The following CNTNAP5 variants were observed in gnomAD, a reference collection of about 807,000 sequenced individuals.
CNTNAP5 encodes the protein contactin associated protein family member 5, also known as contactin-associated protein-like 5.
In CNTNAP5, 72 loss-of-function variants were observed where a neutral mutation model predicts 150.2. The observed-to-expected ratio is 0.48, with a 90% confidence interval of 0.40 to 0.58. The LOEUF (loss-of-function observed/expected upper bound fraction) is 0.58. Ranked by LOEUF, CNTNAP5 falls within the 20% of genes least tolerant of loss-of-function variation. CNTNAP5 has a pLI of 0.00. For synonymous variants in CNTNAP5, 672 were observed against 619.8 expected (o/e 1.08, Z -1.25); for missense variants, 1,636 against 1,626.2 (o/e 1.01, Z -0.10).
chr2:124,742,121 C>T (rs1356345380), intron 13 of CNTNAP5, among the ~76,000 whole-genome samples: 1 of 152,136 alleles, frequency 6.6e-6, no homozygotes, highest in Non-Finnish European at 1.5e-5. Flanking sequence ...GGAAGAGGCT[C>T]ACTGTGTTGA....
chr2:124,517,744 G>T (rs1236548034), intron 8 of CNTNAP5, among the ~76,000 whole-genome samples: 1 of 149,176 alleles, frequency 6.7e-6, no homozygotes, highest in Non-Finnish European at 1.5e-5. Context: ...GAGGGTTTTG[G>T]TGTTGGTGAT....
At chr2:124,852,954 T>C (rs72848771) in intron 19 of CNTNAP5, among the ~76,000 whole-genome samples, 18,005 of 152,202 alleles carry the variant, frequency 0.12, 1,265 homozygotes, top group Non-Finnish European at 0.16. Flanking sequence ...TGGTAAAAAC[T>C]AAAAGGGGAG....
chr2:124,585,080 G>T (rs1353598876), intron 11 of CNTNAP5, among the ~76,000 whole-genome samples: 1 of 152,194 alleles, frequency 6.6e-6, no homozygotes, highest in Non-Finnish European at 1.5e-5. Context: ...GTAGGCTAAG[G>T]TGGTAAATGA....
At chr2:124,690,529 A>T (rs1224698287) in intron 13 of CNTNAP5, among the ~76,000 whole-genome samples, 3 of 152,082 alleles carry the variant, frequency 2.0e-5, no homozygotes, top group East Asian at 3.9e-4. Flanking sequence ...AATGTTGCTT[A>T]AATTCTTACC....
intron 22 of CNTNAP5, among the ~76,000 whole-genome samples, chr2:124,906,238 G>A (rs911631956): frequency 1.3e-5 from 2 of 152,122 alleles, no homozygotes; most frequent in Non-Finnish European, 2.9e-5. Context: ...GGGTGAGGGA[G>A]TATTATCAGA....
intron 12 of CNTNAP5, among the ~76,000 whole-genome samples, chr2:124,642,852 T>C (rs185578760): frequency 5.9e-5 from 9 of 152,352 alleles, no homozygotes; most frequent in Admixed American, 5.9e-4. Context: ...CTCATAGCTT[T>C]ATGAAGAAAT....
At chr2:124,130,726 A>G (rs1202406872) in intron 1 of CNTNAP5, among the ~76,000 whole-genome samples, 1 of 152,108 alleles carries the variant, frequency 6.6e-6, no homozygotes. Flanking sequence ...CAAGGCTTAT[A>G]TAATTTTTTA....
chr2:124,517,155 ATTGTGGTATTGGTGATGGAGTG>A (rs1694737516), intron 8 of CNTNAP5, among the ~76,000 whole-genome samples: 1 of 148,940 alleles, frequency 6.7e-6, no homozygotes, highest in Non-Finnish European at 1.5e-5. Flanking sequence ...GTGATGGAGC[ATTGTGGTATTGGTGATGGAGTG>A]TTGTGGTGTT....
chr2:124,040,292 C>T (rs1338901370), intron 1 of CNTNAP5, among the ~76,000 whole-genome samples: 4 of 152,016 alleles, frequency 2.6e-5, no homozygotes, highest in Non-Finnish European at 4.4e-5. Context: ...ATCAGGAGAT[C>T]GTGATATTTG....
In CNTNAP5 at chr2:124,582,202, C is replaced by G. The variant is rs2104949991; in HGVS notation, c.1756+18879C>G. ...TCGGAAGGCCTCGGTGGCTGTGTCTCGTGTCTGTCATTTTGCAGGCATGTG... is the reference window on the plus strand; with the variant it reads ...TCGGAAGGCCTCGGTGGCTGTGTCTGGTGTCTGTCATTTTGCAGGCATGTG... On this transcript the variant is annotated intron_variant, in intron 11 of 23. Transcript: ENST00000682447. Among the ~76,000 whole-genome samples, 2 of 152,056 alleles carry G rather than the reference C, an allele frequency of 1.3e-5. 1 individual carries two copies. The highest frequency in any genetic ancestry group is 4.2e-4 in the South Asian group (2 of 4,802).
chr2:124,819,080 A>G (rs1322850174), intron 19 of CNTNAP5, among the ~76,000 whole-genome samples: 1 of 151,970 alleles, frequency 6.6e-6, no homozygotes, highest in Non-Finnish European at 1.5e-5. Flanking sequence ...GCTTATAGAG[A>G]CCATGCCATC....
intron 1 of CNTNAP5, among the ~76,000 whole-genome samples, chr2:124,039,225 T>C (rs751952418): frequency 7.2e-5 from 11 of 152,336 alleles, no homozygotes; most frequent in Middle Eastern, 6.8e-3. Flanking sequence ...GCTTGCATTA[T>C]CTACCTGCAT....
intron 6 of CNTNAP5, among the ~76,000 whole-genome samples, chr2:124,450,280 A>G (rs965376878): frequency 6.6e-6 from 1 of 151,884 alleles, no homozygotes; most frequent in Admixed American, 6.6e-5. Flanking sequence ...ATACTCTGAT[A>G]TATACTTCTG....
In CNTNAP5 at chr2:124,756,381, A is replaced by G. The variant is rs190301489; in HGVS notation, c.2235-7291A>G. Among the ~76,000 whole-genome samples the G allele has an allele frequency of 1.1e-3, 164 of 152,278 alleles. 1 individual carries two copies. The highest frequency in any genetic ancestry group is 1.7e-3 in the Non-Finnish European group (117 of 68,028). On this transcript the variant is annotated intron_variant, in intron 14 of 23. Coordinates refer to ENST00000682447, the MANE Select transcript of CNTNAP5 (RefSeq NM_001367498.1). ...GCGATTCCTCAAAGACTTAGACAGA[A>G]CTATCATTTGACTGAGCAATTCCAT...
chr2:124,599,413 A>G (rs1696927957), intron 11 of CNTNAP5, among the ~76,000 whole-genome samples: 1 of 152,108 alleles, frequency 6.6e-6, no homozygotes, highest in Non-Finnish European at 1.5e-5. Context: ...TGGATTAAAC[A>G]TTCCCTTGGC....
At chr2:124,893,734 G>A (rs909640465) in intron 21 of CNTNAP5, among the ~76,000 whole-genome samples, 17 of 152,098 alleles carry the variant, frequency 1.1e-4, no homozygotes, top group African/African-American at 3.4e-4. Flanking sequence ...ATGGTCACCT[G>A]TGGGACCATT....
intron 3 of CNTNAP5, among the ~76,000 whole-genome samples, chr2:124,372,620 T>C (rs1214018357): frequency 6.6e-6 from 1 of 152,114 alleles, no homozygotes; most frequent in East Asian, 1.9e-4. Flanking sequence ...CTATGGATGG[T>C]AGCAGAGTTG....
At chr2:124,665,220 C>T (rs967436446) in intron 13 of CNTNAP5, among the ~76,000 whole-genome samples, 10 of 152,148 alleles carry the variant, frequency 6.6e-5, no homozygotes, top group Non-Finnish European at 1.0e-4. Context: ...TAAAGTGAAT[C>T]GTTCCTTAAT....
intron 1 of CNTNAP5, among the ~76,000 whole-genome samples, chr2:124,219,883 G>T (rs1321267174): frequency 6.6e-6 from 1 of 151,958 alleles, no homozygotes; most frequent in Non-Finnish European, 1.5e-5. Context: ...GACCATAACT[G>T]CCGAGAAACC....
Sources: gnomAD v4.1 joint callset for allele counts (sites outside exome capture counted in the v4.1 genomes callset) on GRCh38, gnomAD v4.1.1 for gene constraint, MANE v1.5 for transcripts, NCBI Gene and HGNC (gene_info 2026-07-23, HGNC 2026-07-21) for gene names.